SLC4A10: variants seen among roughly 807,000 people sequenced by gnomAD.
SLC4A10 encodes the protein solute carrier family 4 member 10.
Under a neutral mutation model 137.7 loss-of-function variants are expected in SLC4A10, and 42 were observed. That is an observed-to-expected ratio of 0.30 (90% CI 0.24 to 0.39). SLC4A10 has a LOEUF of 0.39. Ranked by LOEUF, SLC4A10 falls within the 10% of genes least tolerant of loss-of-function variation. SLC4A10 has a pLI of 1.00. For synonymous variants in SLC4A10, 474 were observed against 464.1 expected (o/e 1.02, Z -0.27); for missense variants, 925 against 1,355.0 (o/e 0.68, Z 4.98).
intron 13 of SLC4A10, 97 bp from the exon 14 acceptor site, chr2:161,904,679 C>A: frequency 7.0e-7 from 1 of 1,438,376 alleles, no homozygotes; most frequent in Admixed American, 2.0e-5. Context: ...CAGGGTGAAG[C>A]ACAAAGCACA....
At chr2:161,893,891 A>C (rs1261675728) in intron 10 of SLC4A10, among the ~76,000 whole-genome samples, 1 of 151,966 alleles carries the variant, frequency 6.6e-6, no homozygotes, top group Non-Finnish European at 1.5e-5. Flanking sequence ...ATGTCCCCCC[A>C]TTGAAAATAT....
intron 1 of SLC4A10, among the ~76,000 whole-genome samples, chr2:161,704,238 A>C (rs1253918949): frequency 6.6e-6 from 1 of 151,692 alleles, no homozygotes; most frequent in Admixed American, 6.6e-5. Context: ...TGTGAGAGCT[A>C]ATTTGTCAAA....
At chr2:161,635,298 A>G (rs1352457889) in intron 1 of SLC4A10, among the ~76,000 whole-genome samples, 1 of 152,068 alleles carries the variant, frequency 6.6e-6, no homozygotes, top group Non-Finnish European at 1.5e-5. Flanking sequence ...GTGTAGGAAC[A>G]TTGTTGTGGT....
At chr2:161,814,834 T>G (rs1393805615) in intron 3 of SLC4A10, among the ~76,000 whole-genome samples, 2 of 151,990 alleles carry the variant, frequency 1.3e-5, no homozygotes, top group South Asian at 2.1e-4. Context: ...GCCCACTACT[T>G]GGGGGACAGG....
At chr2:161,708,597 A>G in intron 1 of SLC4A10, 1 of 1,284,456 alleles carries the variant, frequency 7.8e-7, no homozygotes, top group Non-Finnish European at 1.0e-6. Flanking sequence ...GTAACTGCAC[A>G]GGGGAGATGA....
At chr2:161,968,771 C>T (rs757547045) in intron 23 of SLC4A10, among the ~76,000 whole-genome samples, 1 of 152,110 alleles carries the variant, frequency 6.6e-6, no homozygotes, top group South Asian at 2.1e-4. Context: ...TAAAGAGGTT[C>T]GCTTTCTAGC....
Position 161,859,594 on chromosome 2 carries a change from C to CTTTTTTTTTTT in SLC4A10, c.578-3266_578-3256dup, listed in dbSNP as rs72003642. ...TCCTTTTTTTCTTTTCTTTTCTTTTCTTTTTTTTTTTTTTTTTTTTTTTTG... is the reference window on the plus strand; with the variant it reads ...TCCTTTTTTTCTTTTCTTTTCTTTTCTTTTTTTTTTTTTTTTTTTTTTTTTTTTTTTTTTTG... On this transcript the variant is annotated intron_variant, in intron 5 of 26. Transcript: ENST00000446997. Among the ~76,000 whole-genome samples the CTTTTTTTTTTT allele has an allele frequency of 1.2e-3, 55 of 47,290 alleles. 1 individual carries two copies. Among genetic ancestry groups the CTTTTTTTTTTT allele is most frequent in the African/African-American group, 2.4e-3 (29 of 12,184 alleles). The allele number at this position is 47,290 out of a possible 152,430, so 31.0% of individuals were successfully genotyped here. A position where few individuals can be genotyped will look rare whatever the true frequency, so the allele number is the denominator to read the frequency against.
Position 161,970,295 on chromosome 2 carries a change from C to T in SLC4A10, c.3160-3954C>T, listed in dbSNP as rs550804059. Among the ~76,000 whole-genome samples the T allele has an allele frequency of 4.6e-5, 7 of 152,084 alleles. No individual in the cohort carries two copies. The South Asian group carries it at 1.5e-3, about 32-fold the overall frequency. On this transcript the variant is annotated intron_variant, in intron 23 of 26. Transcript: ENST00000446997. ...AACTCTATATAGACTCTCCATTTTT[C>T]CTTTTCCACTCTCATTGTTAGTTTT... is the stretch of plus-strand genomic sequence containing the variant.
At chr2:161,965,967 T>C (rs569520514) in intron 23 of SLC4A10, among the ~76,000 whole-genome samples, 65 of 152,318 alleles carry the variant, frequency 4.3e-4, no homozygotes, top group African/African-American at 1.3e-3. Flanking sequence ...TTCACATAAA[T>C]AGAAATGAGA....
intron 10 of SLC4A10, among the ~76,000 whole-genome samples, chr2:161,883,117 G>T (rs962028917): frequency 1.3e-5 from 2 of 151,936 alleles, no homozygotes; most frequent in Non-Finnish European, 2.9e-5. Context: ...CCTTTACTTG[G>T]GTTCTCCAAC....
chr2:161,888,075 C>T (rs1209844372), intron 10 of SLC4A10, among the ~76,000 whole-genome samples: 1 of 152,144 alleles, frequency 6.6e-6, no homozygotes, highest in Non-Finnish European at 1.5e-5. Flanking sequence ...TTCCCCATTG[C>T]TTGTTTTTGT....
chr2:161,956,318 A>T (rs1695658218), intron 19 of SLC4A10, among the ~76,000 whole-genome samples: 3 of 152,206 alleles, frequency 2.0e-5, no homozygotes, highest in Non-Finnish European at 4.4e-5. Context: ...ATTTCATTCC[A>T]GGCAGTCTGA....
At position 161,872,292 on chromosome 2, in the gene SLC4A10, G is replaced by A. The variant is rs778277757; in HGVS notation, c.767-1G>A. 17 of 1,611,454 alleles carry A rather than the reference G, an allele frequency of 1.1e-5. No individual in the cohort carries two copies. In the East Asian group the frequency reaches 3.3e-4, roughly 32 times the overall value. ...TATTCTGTCACAACAATCTCTTTTA[G>A]CAGGTCAGGTTGTTTCTCCTCAGTC... On this transcript the variant is annotated splice_acceptor_variant, in intron 6 of 26. Transcript: ENST00000446997. LOFTEE classifies it high-confidence loss of function.
intron 15 of SLC4A10, among the ~76,000 whole-genome samples, chr2:161,916,055 A>G (rs1687047776): frequency 6.6e-6 from 1 of 152,228 alleles, no homozygotes; most frequent in Non-Finnish European, 1.5e-5. Flanking sequence ...GAGAGGACTC[A>G]GAGGAGACCA....
intron 15 of SLC4A10, among the ~76,000 whole-genome samples, chr2:161,934,012 A>C (rs1012823901): frequency 2.6e-5 from 4 of 152,116 alleles, no homozygotes; most frequent in African/African-American, 9.7e-5. Flanking sequence ...TTTAAAAAAA[A>C]ATTAATTTTT....
intron 15 of SLC4A10, among the ~76,000 whole-genome samples, chr2:161,935,182 A>T (rs1691357650): frequency 6.6e-6 from 1 of 152,106 alleles, no homozygotes; most frequent in South Asian, 2.1e-4. Context: ...CTTTGTCGAA[A>T]ATCATTTGAC....
chr2:161,920,782 G>A (rs1687986283), intron 15 of SLC4A10, among the ~76,000 whole-genome samples: 1 of 152,174 alleles, frequency 6.6e-6, no homozygotes, highest in African/African-American at 2.4e-5. Context: ...AATGTTCAAG[G>A]AATAATAAGT....
intron 1 of SLC4A10, among the ~76,000 whole-genome samples, chr2:161,685,347 T>G (rs768549767): frequency 1.3e-5 from 2 of 152,184 alleles, no homozygotes; most frequent in African/African-American, 4.8e-5. Context: ...GGCTCACTCC[T>G]GTAATCCCAG....
At chr2:161,729,876 C>G (rs1049674034) in intron 1 of SLC4A10, among the ~76,000 whole-genome samples, 1 of 152,158 alleles carries the variant, frequency 6.6e-6, no homozygotes, top group Non-Finnish European at 1.5e-5. Context: ...GGTGAGGCCA[C>G]GTCAGTTTGG....
Sources: allele counts gnomAD v4.1 joint callset (sites outside exome capture counted in the v4.1 genomes callset), GRCh38; gene constraint gnomAD v4.1.1; transcripts MANE v1.5; gene names NCBI Gene and HGNC (gene_info 2026-07-23, HGNC 2026-07-21).